Variants in COL21A1 observed in about 807,000 individuals in gnomAD.
COL21A1 encodes the protein collagen alpha-1(XXI) chain.
A neutral mutation model predicts 137.9 loss-of-function variants in COL21A1; 149 were observed. That is an observed-to-expected ratio of 1.08 (90% CI 0.95 to 1.24). The LOEUF (loss-of-function observed/expected upper bound fraction) is 1.24, where lower values mean the gene tolerates loss of function less well. COL21A1 is among the 50% of genes most tolerant of loss of function. The pLI is 0.00. For missense variants in COL21A1, 1,167 were observed against 1,158.4 expected (o/e 1.01, Z -0.11); for synonymous variants, 456 against 391.5 (o/e 1.16, Z -1.95).
At chr6:56,385,443 T>G (rs2094016302) in intron 1 of COL21A1, among the ~76,000 whole-genome samples, 1 of 152,178 alleles carries the variant, frequency 6.6e-6, no homozygotes, top group African/African-American at 2.4e-5. Flanking sequence ...AGTCCTTAGC[T>G]CATGGCCCCT....
chr6:56,066,204 G>A (rs1158529002), intron 23 of COL21A1, among the ~76,000 whole-genome samples: 1 of 151,744 alleles, frequency 6.6e-6, no homozygotes, highest in Non-Finnish European at 1.5e-5. Context: ...TAACTTAAAG[G>A]AATCCTATAT....
rs1000431594 is a variant in COL21A1 at position 56,284,082 on chromosome 6, C to G, written c.-38-101426G>C. Among the ~76,000 whole-genome samples the G allele has an allele frequency of 1.9e-4, 29 of 152,322 alleles. No homozygotes were observed. In the Middle Eastern group the frequency reaches 0.01, roughly 54 times the overall value. Reference sequence around the variant, plus strand: ...TTGTTTTTTGAGACAGGTTCTGGCTCTGTCACCCAGGCTGTAGTGCAGTGA... The same window carrying G: ...TTGTTTTTTGAGACAGGTTCTGGCTGTGTCACCCAGGCTGTAGTGCAGTGA... On this transcript the variant is annotated intron_variant, in intron 1 of 28. Transcript: ENST00000370819.
At chr6:56,194,746 G>C (rs1778914073) in intron 1 of COL21A1, among the ~76,000 whole-genome samples, 1 of 152,084 alleles carries the variant, frequency 6.6e-6, no homozygotes, top group East Asian at 1.9e-4. Context: ...AAATCACTTA[G>C]AGATCTTATT....
At chr6:56,267,754 T>TAAA (rs61326932) in intron 1 of COL21A1, among the ~76,000 whole-genome samples, 2 of 131,432 alleles carry the variant, frequency 1.5e-5, no homozygotes, top group Non-Finnish European at 3.2e-5. Flanking sequence ...AAGACTCTGT[T>TAAA]AAAAAAAAAA....
chr6:56,328,268 T>A (rs987677609), intron 1 of COL21A1, among the ~76,000 whole-genome samples: 1 of 152,128 alleles, frequency 6.6e-6, no homozygotes, highest in Non-Finnish European at 1.5e-5. Flanking sequence ...AACTCTTAAA[T>A]ATATTTTAAT....
chr6:56,070,838 A>G, intron 20 of COL21A1, 40 bp from the exon 21 acceptor site: 1 of 1,452,306 alleles, frequency 6.9e-7, no homozygotes, highest in Non-Finnish European at 9.5e-7. Context: ...TTTAAAAACA[A>G]TTCTGTCATA....
At chr6:56,115,315 A>G (rs1279958769) in intron 16 of COL21A1, among the ~76,000 whole-genome samples, 2 of 147,898 alleles carry the variant, frequency 1.4e-5, no homozygotes, top group African/African-American at 4.9e-5. Context: ...AAAAAAAAAA[A>G]GAACAGAGAC....
At chr6:56,277,062 C>T (rs1005015106) in intron 1 of COL21A1, among the ~76,000 whole-genome samples, 1 of 151,852 alleles carries the variant, frequency 6.6e-6, no homozygotes, top group Non-Finnish European at 1.5e-5. Context: ...CCTCATGATC[C>T]GCCCGCCTCG....
intron 1 of COL21A1, among the ~76,000 whole-genome samples, chr6:56,382,180 T>A (rs1287553948): frequency 6.6e-6 from 1 of 152,198 alleles, no homozygotes; most frequent in Non-Finnish European, 1.5e-5. Context: ...CAGTGTCTGG[T>A]GATTAATCCC....
At chr6:56,274,808 T>C (rs1055854605) in intron 1 of COL21A1, among the ~76,000 whole-genome samples, 4 of 151,956 alleles carry the variant, frequency 2.6e-5, no homozygotes, top group African/African-American at 9.7e-5. Context: ...AAGCAAATCA[T>C]AAATTTAATG....
chr6:56,097,769 A>C (rs563268030), intron 17 of COL21A1, among the ~76,000 whole-genome samples: 5 of 121,976 alleles, frequency 4.1e-5, no homozygotes, highest in Admixed American at 1.1e-4. Context: ...ATATATAAAT[A>C]TATATAAATA....
chr6:56,242,838 G>A (rs1161684635), intron 1 of COL21A1, among the ~76,000 whole-genome samples: 2 of 152,114 alleles, frequency 1.3e-5, no homozygotes, highest in African/African-American at 2.4e-5. Flanking sequence ...TTAAGTAAAT[G>A]TCCCTGAAAT....
chr6:56,299,525 C>T (rs1764233901), intron 1 of COL21A1, among the ~76,000 whole-genome samples: 1 of 152,010 alleles, frequency 6.6e-6, no homozygotes, highest in Admixed American at 6.6e-5. Context: ...TAATAATGTG[C>T]ACTTTTGTTA....
intron 1 of COL21A1, among the ~76,000 whole-genome samples, chr6:56,188,165 T>C (rs1250603980): frequency 6.6e-6 from 1 of 152,170 alleles, no homozygotes; most frequent in East Asian, 1.9e-4. Context: ...TGTGAAGAAA[T>C]TGGAATTCAT....
chr6:56,171,666 C>A (rs1777069303), intron 3 of COL21A1, among the ~76,000 whole-genome samples: 1 of 152,006 alleles, frequency 6.6e-6, no homozygotes, highest in East Asian at 1.9e-4. Flanking sequence ...TTCTATAGCT[C>A]AAATATCATT....
At chr6:56,316,765 TGA>T (rs1399119731) in intron 1 of COL21A1, among the ~76,000 whole-genome samples, 1 of 152,082 alleles carries the variant, frequency 6.6e-6, no homozygotes, top group Non-Finnish European at 1.5e-5. Flanking sequence ...TTCACAGGAA[TGA>T]GTTACTGCAC....
intron 16 of COL21A1, among the ~76,000 whole-genome samples, chr6:56,111,718 A>C (rs1311988126): frequency 1.3e-5 from 2 of 151,524 alleles, no homozygotes; most frequent in African/African-American, 4.8e-5. Context: ...ACAAAAAAAA[A>C]AAAAAATCAG....
chr6:56,112,242 A>T (rs994886075), intron 16 of COL21A1, among the ~76,000 whole-genome samples: 1 of 152,194 alleles, frequency 6.6e-6, no homozygotes, highest in Middle Eastern at 3.2e-3. Context: ...TGGGAAAAAA[A>T]TGAGACCTGA....
In COL21A1 at chr6:56,258,457, T is replaced by C. The variant is rs375163476; in HGVS notation, c.-38-75801A>G. Reference sequence around the variant, plus strand: ...ACGGAGGACCTCAAATGCATCCTTCTAACCTTAGGTGCTCACCAGACAAAA... The same window carrying C: ...ACGGAGGACCTCAAATGCATCCTTCCAACCTTAGGTGCTCACCAGACAAAA... On this transcript the variant is annotated intron_variant, in intron 1 of 28. Transcript: ENST00000370819. Among the ~76,000 whole-genome samples the C allele has an allele frequency of 2.0e-4, 31 of 152,144 alleles. 1 individual carries two copies. The highest frequency in any genetic ancestry group is 1.9e-3 in the East Asian group (10 of 5,188).
Sources: gnomAD v4.1 joint callset for allele counts (sites outside exome capture counted in the v4.1 genomes callset) on GRCh38, gnomAD v4.1.1 for gene constraint, MANE v1.5 for transcripts, NCBI Gene and HGNC (gene_info 2026-07-23, HGNC 2026-07-21) for gene names.